CHD1: variants seen among roughly 807,000 people sequenced by gnomAD.
CHD1 encodes chromodomain helicase DNA binding protein 1.
CHD1 carries 36 observed loss-of-function variants against 224.2 expected under a neutral mutation model. That is an observed-to-expected ratio of 0.16 (90% confidence interval 0.12 to 0.21). The LOEUF (loss-of-function observed/expected upper bound fraction) is 0.21. CHD1 is among the 10% of genes least tolerant of loss of function. The pLI, the probability that CHD1 is intolerant of heterozygous loss-of-function variation, is 1.00. For missense variants in CHD1, 1,378 were observed against 1,994.8 expected, an observed-to-expected ratio of 0.69 and a Z score of 5.89; for synonymous variants, 668 against 658.3, an observed-to-expected ratio of 1.01 and a Z score of -0.23.
At chr5:98,864,182 T>C (rs1469873532) in intron 31 of CHD1, among the ~76,000 whole-genome samples, 1 of 152,182 alleles carries the variant, frequency 6.6e-6, no homozygotes, top group Non-Finnish European at 1.5e-5. Flanking sequence ...TTGCATGTTT[T>C]ATTGTAGCAA....
At chr5:98,900,089 T>C (rs972207529) in intron 7 of CHD1, among the ~76,000 whole-genome samples, 6 of 152,000 alleles carry the variant, frequency 3.9e-5, no homozygotes, top group Non-Finnish European at 5.9e-5. Flanking sequence ...AAGACCATCC[T>C]GGCTAACACG....
intron 32 of CHD1, 42 bp from the exon 33 acceptor site, chr5:98,860,110 G>T: frequency 8.8e-7 from 1 of 1,142,388 alleles, no homozygotes; most frequent in Non-Finnish European, 1.3e-6. Context: ...TAGTCTGGTG[G>T]AAAATATTTA....
chr5:98,870,899 TCAC>T, intron 28 of CHD1, 96 bp from the exon 29 acceptor site: 1 of 558,796 alleles, frequency 1.8e-6, no homozygotes, highest in East Asian at 3.1e-5. Context: ...TATATATAGT[TCAC>T]CAACAAGTTT....
chr5:98,893,400 T>C lies in CHD1; in HGVS notation c.1991+16A>G, dbSNP rs17166428. On this transcript the variant is annotated intron_variant, in intron 14 of 35. Transcript: ENST00000614616. ...AATATCCACACAATATGATTAAAAT[T>C]GTAAAGTTGTCTTACTTTTCTGGCA... 127,861 of 1,555,320 alleles carry C rather than the reference T, an allele frequency of 0.082. 7,009 individuals are homozygous for C. The highest frequency in any genetic ancestry group is 0.28 in the African/African-American group (20,286 of 72,062).
rs1229928506 is a variant in CHD1, at chr5:98,872,629, G to A, written c.3572-74C>T. The A allele has an allele frequency of 3.3e-6, 4 of 1,201,322 alleles. No individual in the cohort carries two copies. The East Asian group carries it at 7.1e-5, about 21-fold the overall frequency. 74.4% of individuals were successfully genotyped at this position (1,201,322 alleles called of 1,614,324 possible). On this transcript the variant is annotated intron_variant, in intron 26 of 35. Coordinates refer to ENST00000614616, the MANE Select transcript of CHD1 (RefSeq NM_001270.4). ...TTCTACAAAACACCAAGCAACTGAT[G>A]CTATTACTTATGTTATTTAACAATA... is the stretch of plus-strand genomic sequence containing the variant.
chr5:98,887,036 G>T (rs550265112), intron 17 of CHD1, among the ~76,000 whole-genome samples: 8 of 152,200 alleles, frequency 5.3e-5, no homozygotes, highest in African/African-American at 1.9e-4. Flanking sequence ...AAAGGCTACA[G>T]GTTCTTTCTG....
chr5:98,911,691 A>G (rs1303039186), intron 2 of CHD1, among the ~76,000 whole-genome samples: 8 of 152,208 alleles, frequency 5.3e-5, no homozygotes, highest in African/African-American at 1.2e-4. Flanking sequence ...ACGGTTCTCC[A>G]GCCTGGTACG....
At chr5:98,884,531 G>A (rs1372467482) in intron 18 of CHD1, among the ~76,000 whole-genome samples, 4 of 152,032 alleles carry the variant, frequency 2.6e-5, no homozygotes, top group African/African-American at 7.2e-5. Flanking sequence ...GGGGGTGAGC[G>A]ATAAAAGACT....
At chr5:98,926,621 G>A (rs374513442) in intron 1 of CHD1, 87 bp from the exon 2 acceptor site, 15 of 292,210 alleles carry the variant, frequency 5.1e-5, no homozygotes, top group African/African-American at 3.3e-4. Flanking sequence ...AATCTACGTA[G>A]GCCAATTAGA....
intron 1 of CHD1, among the ~76,000 whole-genome samples, chr5:98,927,128 A>G (rs1383993256): frequency 6.6e-6 from 1 of 152,242 alleles, no homozygotes; most frequent in Admixed American, 6.5e-5. Context: ...ACATTTAAAT[A>G]ATACTTAACC....
At position 98,870,711 on chromosome 5, in the gene CHD1, T is replaced by C; in HGVS notation, c.3954A>G (p.Ala1318=). The C allele has an allele frequency of 6.2e-7, 1 of 1,602,200 alleles. No homozygotes were observed. The highest frequency in any genetic ancestry group is 8.5e-7 in the Non-Finnish European group (1 of 1,174,182). ...CCGCACCAGAAAGAGCTTCTTTTTT[T>C]GCAAGATCTCTACTAAGTAATTTGA... ...YLIKLLSRDL[A]KKEALSGAGS... Residue 1318 remains alanine (A), a synonymous_variant, in exon 29 of 36, where the codon GCA becomes GCG. Coordinates refer to ENST00000614616, the MANE Select transcript of CHD1 (RefSeq NM_001270.4).
chr5:98,928,855 T>C lies in CHD1; in HGVS notation c.-465A>G. Reference sequence around the variant, plus strand: ...CGCGCGCGCTCCCGCTCCCTCCGCTTATCTGCCCCCGGCAGCCGCCATGAC... The same window carrying C: ...CGCGCGCGCTCCCGCTCCCTCCGCTCATCTGCCCCCGGCAGCCGCCATGAC... On this transcript the variant is annotated 5_prime_UTR_variant, in exon 1 of 36. The change creates a new upstream start codon in the 5' untranslated region. Coordinates refer to ENST00000614616, the MANE Select transcript of CHD1 (RefSeq NM_001270.4). The C allele has an allele frequency of 6.4e-6, 1 of 155,590 alleles. No individual in the cohort carries two copies. The highest frequency in any genetic ancestry group is 1.4e-5 in the Non-Finnish European group (1 of 70,734). 9.6% of individuals were successfully genotyped at this position (155,590 alleles called of 1,614,324 possible).
At chr5:98,879,464 A>C in intron 23 of CHD1, 88 bp downstream of exon 23, 1 of 1,200,270 alleles carries the variant, frequency 8.3e-7, no homozygotes, top group Non-Finnish European at 1.2e-6. Context: ...AAAGAAAACT[A>C]TGGACTGATA....
intron 1 of CHD1, among the ~76,000 whole-genome samples, chr5:98,927,429 G>A (rs984650972): frequency 2.6e-5 from 4 of 151,956 alleles, no homozygotes; most frequent in African/African-American, 9.7e-5. Context: ...GCTGTCCTCC[G>A]ACCTCAGCAA....
chr5:98,921,001 G>GA (rs1373265845), intron 2 of CHD1, among the ~76,000 whole-genome samples: 1 of 152,040 alleles, frequency 6.6e-6, no homozygotes, highest in Admixed American at 6.6e-5. Context: ...GGAGTTAATG[G>GA]AAAAATCAAT....
At position 98,854,647 on chromosome 5, in the gene CHD1, A is replaced by G. The variant is rs1747891502; in HGVS notation, c.*1733T>C. ...CAGGGTAACTGTATCAGAAAGAGAAATTACTGCAAAAAACAAAACAAAAAG... is the reference window on the plus strand; with the variant it reads ...CAGGGTAACTGTATCAGAAAGAGAAGTTACTGCAAAAAACAAAACAAAAAG... On this transcript the variant is annotated 3_prime_UTR_variant, in exon 36 of 36. Coordinates refer to ENST00000614616, the MANE Select transcript of CHD1 (RefSeq NM_001270.4). The G allele has an allele frequency of 6.6e-6, 1 of 152,130 alleles. No individual in the cohort carries two copies. The highest frequency in any genetic ancestry group is 2.4e-5 in the African/African-American group (1 of 41,448). 9.4% of individuals were successfully genotyped at this position (152,130 alleles called of 1,614,324 possible).
At chr5:98,876,652 A>T (rs1749784253) in intron 23 of CHD1, 94 bp from the exon 24 acceptor site, 3 of 1,040,034 alleles carry the variant, frequency 2.9e-6, no homozygotes, top group Non-Finnish European at 4.2e-6. Flanking sequence ...AATCTTAAAA[A>T]TGTTATTAAA....
chr5:98,906,326 C>G (rs971852841), intron 2 of CHD1, among the ~76,000 whole-genome samples: 26 of 152,128 alleles, frequency 1.7e-4, no homozygotes, highest in African/African-American at 6.3e-4. Context: ...TGTCTCCTCT[C>G]TGGTCACATA....
At chr5:98,884,255 T>C (rs1750476172) in intron 18 of CHD1, among the ~76,000 whole-genome samples, 1 of 151,846 alleles carries the variant, frequency 6.6e-6, no homozygotes, top group African/African-American at 2.4e-5. Context: ...TTTGTATTTT[T>C]AGTAGAGATG....
Sources: gnomAD v4.1 joint callset for allele counts (sites outside exome capture counted in the v4.1 genomes callset) on GRCh38, gnomAD v4.1.1 for gene constraint, MANE v1.5 for transcripts, NCBI Gene and HGNC (gene_info 2026-07-23, HGNC 2026-07-21) for gene names.